Variants in KCTD1 observed in about 807,000 individuals in gnomAD.
KCTD1 encodes the protein potassium channel tetramerization domain containing 1.
Under a neutral mutation model 66.0 loss-of-function variants are expected in KCTD1, and 24 were observed. That is an observed-to-expected ratio of 0.36 (90% CI 0.26 to 0.51). The LOEUF is 0.51. Ranked by LOEUF, KCTD1 falls within the 20% of genes least tolerant of loss-of-function variation. The probability of loss-of-function intolerance (pLI) is 0.95; values close to 1 mark genes in which losing one functional copy is unlikely to be tolerated. For synonymous variants in KCTD1, 511 were observed against 517.2 expected (o/e 0.99, Z 0.16); for missense variants, 943 against 1,205.2 (o/e 0.78, Z 3.22).
At chr18:26,601,416 C>G (rs965045111) in intron 1 of KCTD1, among the ~76,000 whole-genome samples, 1 of 146,878 alleles carries the variant, frequency 6.8e-6, no homozygotes, top group African/African-American at 2.5e-5. Context: ...TTCCATTAAT[C>G]TATATGACTA....
chr18:26,465,271 A>G (rs1334880874), intron 3 of KCTD1, among the ~76,000 whole-genome samples: 2 of 151,904 alleles, frequency 1.3e-5, no homozygotes, highest in Admixed American at 6.6e-5. Context: ...TTTAGTGGAG[A>G]TGGGGTTTCG....
intron 1 of KCTD1, among the ~76,000 whole-genome samples, chr18:26,586,657 A>T (rs1056333142): frequency 1.3e-5 from 2 of 152,226 alleles, no homozygotes; most frequent in Non-Finnish European, 2.9e-5. Context: ...TTTGAAGAAA[A>T]CTAAAAGTGC....
chr18:26,482,078 A>C (rs947001419), intron 2 of KCTD1, among the ~76,000 whole-genome samples: 1 of 152,188 alleles, frequency 6.6e-6, no homozygotes, highest in Non-Finnish European at 1.5e-5. Context: ...TGTAACACTC[A>C]AGGATGCATG....
chr18:26,467,705 C>T (rs1980818982), intron 3 of KCTD1, among the ~76,000 whole-genome samples: 1 of 151,636 alleles, frequency 6.6e-6, no homozygotes, highest in Non-Finnish European at 1.5e-5. Context: ...ATCCCAGCTA[C>T]TTGGGAGGCT....
chr18:26,531,178 CAAATAAAATGAATG>C (rs1984418267), intron 1 of KCTD1, among the ~76,000 whole-genome samples: 1 of 151,932 alleles, frequency 6.6e-6, no homozygotes, highest in South Asian at 2.1e-4. Flanking sequence ...CTGATTATGG[CAAATAAAATGAATG>C]AAATAAAATA....
At chr18:26,542,319 G>T (rs982039976) in intron 1 of KCTD1, among the ~76,000 whole-genome samples, 9 of 152,068 alleles carry the variant, frequency 5.9e-5, no homozygotes, top group African/African-American at 2.2e-4. Flanking sequence ...ATTCTCCAAA[G>T]AAATCTTTAA....
chr18:26,465,373 C>T (rs746191889), intron 3 of KCTD1, among the ~76,000 whole-genome samples: 1 of 152,182 alleles, frequency 6.6e-6, no homozygotes, highest in African/African-American at 2.4e-5. Flanking sequence ...TGTCAGCCAC[C>T]GTGCCCGGCC....
In KCTD1 at chr18:26,606,977, T is replaced by C. The variant is rs546628100; in HGVS notation, c.-16+22170A>G. Among the ~76,000 whole-genome samples the C allele has an allele frequency of 5.5e-5, 8 of 145,432 alleles. 1 individual carries two copies. In the South Asian group the frequency reaches 1.7e-3, roughly 32 times the overall value. On this transcript the variant is annotated intron_variant, in intron 1 of 4. Transcript: ENST00000317932. ...TCTTTCTATCAAGACCCAGATCAAATATAATCTTAACTGGAAAAGTTTCTT... is the reference window on the plus strand; with the variant it reads ...TCTTTCTATCAAGACCCAGATCAAACATAATCTTAACTGGAAAAGTTTCTT...
chr18:26,607,071 G>C (rs889125563), intron 1 of KCTD1, among the ~76,000 whole-genome samples: 5 of 152,088 alleles, frequency 3.3e-5, no homozygotes, highest in African/African-American at 4.8e-5. Context: ...GTCTTGCTCT[G>C]TTGCCCAGGC....
intron 1 of KCTD1, among the ~76,000 whole-genome samples, chr18:26,602,345 G>C (rs1986917120): frequency 6.6e-6 from 1 of 152,090 alleles, no homozygotes; most frequent in South Asian, 2.1e-4. Context: ...GATTCCATTT[G>C]TATTCTGTTG....
At chr18:26,578,583 C>A (rs945429761) in intron 1 of KCTD1, among the ~76,000 whole-genome samples, 2 of 152,128 alleles carry the variant, frequency 1.3e-5, no homozygotes, top group Non-Finnish European at 2.9e-5. Flanking sequence ...CTCAACTGAA[C>A]CAACCTTGGC....
At chr18:26,590,680 G>A (rs573308224) in intron 1 of KCTD1, among the ~76,000 whole-genome samples, 7 of 152,110 alleles carry the variant, frequency 4.6e-5, no homozygotes, top group African/African-American at 1.7e-4. Flanking sequence ...TGATGCAACT[G>A]CAAATATTCA....
At chr18:26,482,210 A>G (rs1049083766) in intron 2 of KCTD1, among the ~76,000 whole-genome samples, 6 of 152,250 alleles carry the variant, frequency 3.9e-5, no homozygotes, top group African/African-American at 1.4e-4. Flanking sequence ...CTCATTGAAT[A>G]GCATTATGTG....
At chr18:26,636,671 G>C (rs928419318) in intron 1 of KCTD1, among the ~76,000 whole-genome samples, 2 of 152,206 alleles carry the variant, frequency 1.3e-5, no homozygotes, top group Admixed American at 6.5e-5. Context: ...GATGCCCTCA[G>C]GACTTCACAC....
intron 1 of KCTD1, among the ~76,000 whole-genome samples, chr18:26,614,771 A>G (rs1418787552): frequency 1.3e-5 from 2 of 152,202 alleles, no homozygotes; most frequent in Non-Finnish European, 2.9e-5. Flanking sequence ...GTTTATCAGC[A>G]TCTCATTGAA....
At chr18:26,652,816 G>A (rs1050137209) in intron 1 of KCTD1, among the ~76,000 whole-genome samples, 1 of 152,186 alleles carries the variant, frequency 6.6e-6, no homozygotes, top group Non-Finnish European at 1.5e-5. Context: ...GCTTCTCACT[G>A]CTACTTAATC....
chr18:26,610,525 C>T (rs1987111202), intron 1 of KCTD1, among the ~76,000 whole-genome samples: 1 of 151,540 alleles, frequency 6.6e-6, no homozygotes, highest in Non-Finnish European at 1.5e-5. Flanking sequence ...TTACAGTGAG[C>T]TATGACAGCG....
upstream of KCTD1, chr18:26,549,831 C>G (rs780001452): frequency 1.0e-6 from 1 of 984,930 alleles, no homozygotes; most frequent in Non-Finnish European, 1.2e-6. Flanking sequence ...AAGAGCTCGC[C>G]GGGTCTCGCT....
At chr18:26,459,377 C>T (rs969606338) in intron 4 of KCTD1, 26 of 456,938 alleles carry the variant, frequency 5.7e-5, no homozygotes, top group African/African-American at 5.1e-4. Context: ...GCGTGTGCCA[C>T]CGTGCCCAGC....
Sources: gnomAD v4.1 joint callset for allele counts (sites outside exome capture counted in the v4.1 genomes callset) on GRCh38, gnomAD v4.1.1 for gene constraint, MANE v1.5 for transcripts, NCBI Gene and HGNC (gene_info 2026-07-23, HGNC 2026-07-21) for gene names.